The following GPC5 variants were observed in gnomAD, a reference collection of about 807,000 sequenced individuals.
GPC5 encodes the protein glypican-5.
In GPC5, 47 loss-of-function variants were observed where a neutral mutation model predicts 53.9. The ratio of observed to expected loss-of-function variants is 0.87; its 90% CI spans 0.69 to 1.11. The LOEUF (loss-of-function observed/expected upper bound fraction) is 1.11, where lower values mean the gene tolerates loss of function less well. GPC5 is among the 50% of genes most tolerant of loss of function. The pLI is 0.00. For synonymous variants in GPC5, 286 were observed against 263.3 expected (o/e 1.09, Z -0.84); for missense variants, 748 against 713.1 (o/e 1.05, Z -0.56).
At chr13:91,404,563 A>T (rs1877183354) in intron 1 of GPC5, among the ~76,000 whole-genome samples, 2 of 152,326 alleles carry the variant, frequency 1.3e-5, no homozygotes, top group Admixed American at 1.3e-4. Flanking sequence ...AGTTTTAGTA[A>T]ATCTTCCATT....
At chr13:92,302,324 G>A (rs1172031619) in intron 7 of GPC5, among the ~76,000 whole-genome samples, 1 of 152,084 alleles carries the variant, frequency 6.6e-6, no homozygotes, top group African/African-American at 2.4e-5. Context: ...ATTTTTTAAA[G>A]TGATTCTATG....
At chr13:91,798,138 AC>A (rs2038075830) in intron 5 of GPC5, among the ~76,000 whole-genome samples, 1 of 152,150 alleles carries the variant, frequency 6.6e-6, no homozygotes, top group Admixed American at 6.5e-5. Context: ...TTAACATTTT[AC>A]TTTACATATG....
intron 7 of GPC5, among the ~76,000 whole-genome samples, chr13:92,353,452 G>A (rs1425311667): frequency 6.6e-6 from 1 of 151,958 alleles, no homozygotes; most frequent in Non-Finnish European, 1.5e-5. Flanking sequence ...TTCATATAAA[G>A]TAATACCTGA....
chr13:91,602,623 G>A (rs761013422), intron 2 of GPC5, among the ~76,000 whole-genome samples: 10 of 152,144 alleles, frequency 6.6e-5, no homozygotes, highest in Non-Finnish European at 1.3e-4. Context: ...TGATCAGTAT[G>A]CAGATCACAA....
intron 4 of GPC5, among the ~76,000 whole-genome samples, chr13:91,753,975 TAGTACTC>T (rs1480336480): frequency 6.6e-6 from 1 of 152,174 alleles, no homozygotes; most frequent in Non-Finnish European, 1.5e-5. Flanking sequence ...ATAAAAAACT[TAGTACTC>T]AGTAGCATTT....
chr13:92,575,418 G>A lies in GPC5; in HGVS notation c.1562-290864G>A, dbSNP rs138584917. Among the ~76,000 whole-genome samples, 477 of 152,258 alleles carry A rather than the reference G, an allele frequency of 3.1e-3. 3 individuals are homozygous for A. Among genetic ancestry groups the A allele is most frequent in the Non-Finnish European group, 4.6e-3 (310 of 68,016 alleles). On this transcript the variant is annotated intron_variant, in intron 7 of 7. Coordinates refer to ENST00000377067, the MANE Select transcript of GPC5 (RefSeq NM_004466.6). ...AAAAATTGGAGTTATGCAGCCACAA[G>A]CGAGAGAACATTTTCAGACACTAGA...
rs1448021069 is a variant in GPC5, at chr13:92,068,822, AT to A, written c.1402-76006del. ...TTGTACTTTTTAAAATTAAGGTATA[AT>A]TCATACAACATAATATTTGTCCTTA... On this transcript the variant is annotated intron_variant, in intron 6 of 7. Coordinates refer to ENST00000377067, the MANE Select transcript of GPC5 (RefSeq NM_004466.6). Among the ~76,000 whole-genome samples, 126 of 151,898 alleles carry A rather than the reference AT, an allele frequency of 8.3e-4. 1 individual carries two copies. The highest frequency in any genetic ancestry group is 4.7e-4 in the Non-Finnish European group (32 of 67,780).
At chr13:91,791,618 GTTGATGTTTAATTACA>G (rs2037965492) in intron 5 of GPC5, among the ~76,000 whole-genome samples, 1 of 65,436 alleles carries the variant, frequency 1.5e-5, no homozygotes, top group Non-Finnish European at 2.8e-5. Context: ...ACAATTACAT[GTTGATGTTTAATTACA>G]TCAACAATTA....
intron 6 of GPC5, among the ~76,000 whole-genome samples, chr13:92,085,032 A>G (rs1171817280): frequency 6.6e-6 from 1 of 152,164 alleles, no homozygotes; most frequent in Non-Finnish European, 1.5e-5. Flanking sequence ...GGAAGGGGCT[A>G]GGGAATTTTG....
chr13:92,046,163 C>A (rs917766735), intron 6 of GPC5, among the ~76,000 whole-genome samples: 1 of 151,842 alleles, frequency 6.6e-6, no homozygotes, highest in Non-Finnish European at 1.5e-5. Context: ...TAAGATTGAT[C>A]TTTTATGAAA....
chr13:92,860,713 T>C (rs2138854899), intron 7 of GPC5, among the ~76,000 whole-genome samples: 1 of 152,216 alleles, frequency 6.6e-6, no homozygotes, highest in African/African-American at 2.4e-5. Flanking sequence ...TCAGAAGATA[T>C]TTGTCAAGTC....
chr13:91,977,038 CAATAAATAAATAAATAAATAAATAAATA>C (rs138005450), intron 6 of GPC5, among the ~76,000 whole-genome samples: 1 of 141,732 alleles, frequency 7.1e-6, no homozygotes, highest in Non-Finnish European at 1.5e-5. Flanking sequence ...GATTCTGTCT[CAATAAATAAATAAATAAATAAATAAATA>C]AATAAATAAA....
At chr13:91,552,208 G>A (rs1342419962) in intron 2 of GPC5, among the ~76,000 whole-genome samples, 1 of 151,956 alleles carries the variant, frequency 6.6e-6, no homozygotes, top group Non-Finnish European at 1.5e-5. Context: ...GTATGGCTGA[G>A]GTCTTATTCT....
intron 7 of GPC5, among the ~76,000 whole-genome samples, chr13:92,677,609 C>T (rs756692432): frequency 6.6e-6 from 1 of 152,152 alleles, no homozygotes; most frequent in South Asian, 2.1e-4. Context: ...GACTGAAGCT[C>T]CATATTAAAA....
At chr13:91,509,879 A>G (rs1305517756) in intron 2 of GPC5, among the ~76,000 whole-genome samples, 1 of 152,126 alleles carries the variant, frequency 6.6e-6, no homozygotes, top group Non-Finnish European at 1.5e-5. Context: ...AAATGAATTA[A>G]TAATTTAGTT....
At chr13:92,246,167 C>A (rs2042649201) in intron 7 of GPC5, among the ~76,000 whole-genome samples, 1 of 152,008 alleles carries the variant, frequency 6.6e-6, no homozygotes, top group Non-Finnish European at 1.5e-5. Context: ...CTACCTATTC[C>A]AAAGTAGCAA....
At chr13:91,602,304 A>C (rs908635269) in intron 2 of GPC5, among the ~76,000 whole-genome samples, 1 of 152,220 alleles carries the variant, frequency 6.6e-6, no homozygotes, top group African/African-American at 2.4e-5. Flanking sequence ...GCTGAAACCA[A>C]ATGTAGGAAT....
intron 7 of GPC5, among the ~76,000 whole-genome samples, chr13:92,843,990 T>C (rs895049993): frequency 6.6e-6 from 1 of 151,342 alleles, no homozygotes; most frequent in Non-Finnish European, 1.5e-5. Context: ...CAAATAATCA[T>C]GATCTAGTGT....
chr13:92,177,580 C>T (rs1415941217), intron 7 of GPC5, among the ~76,000 whole-genome samples: 1 of 151,882 alleles, frequency 6.6e-6, no homozygotes, highest in African/African-American at 2.4e-5. Context: ...TTGTGTTCTT[C>T]AGAATAACCT....
Sources: gnomAD v4.1 joint callset for allele counts (sites outside exome capture counted in the v4.1 genomes callset) on GRCh38, gnomAD v4.1.1 for gene constraint, MANE v1.5 for transcripts, NCBI Gene and HGNC (gene_info 2026-07-23, HGNC 2026-07-21) for gene names.